Variants in RYR3 observed in about 807,000 individuals in gnomAD.
The protein encoded by RYR3 is brain ryanodine receptor-calcium release channel.
A neutral mutation model predicts 584.3 loss-of-function variants in RYR3; 207 were observed. The ratio of observed to expected loss-of-function variants is 0.35; its 90% CI spans 0.32 to 0.40. The LOEUF is 0.40. Ranked by LOEUF, RYR3 falls within the 10% of genes least tolerant of loss-of-function variation. RYR3 has a pLI of 1.00. For synonymous variants in RYR3, 2,416 were observed against 2,248.5 expected, an observed-to-expected ratio of 1.07 and a Z score of -2.11; for missense variants, 5,616 against 6,089.2, an observed-to-expected ratio of 0.92 and a Z score of 2.59.
chr15:33,725,512 G>A (rs530147915), intron 45 of RYR3, among the ~76,000 whole-genome samples: 1 of 152,268 alleles, frequency 6.6e-6, no homozygotes, highest in African/African-American at 2.4e-5. Flanking sequence ...TGGCCCATCA[G>A]TGTCGGGGTG....
At chr15:33,486,102 C>T (rs920989918) in intron 2 of RYR3, among the ~76,000 whole-genome samples, 2 of 151,962 alleles carry the variant, frequency 1.3e-5, no homozygotes, top group Admixed American at 6.6e-5. Context: ...CGTGGAAGAT[C>T]GTTGATAAAG....
chr15:33,774,500 T>C (rs1352477352), intron 64 of RYR3, among the ~76,000 whole-genome samples: 3 of 152,222 alleles, frequency 2.0e-5, no homozygotes, highest in Non-Finnish European at 4.4e-5. Flanking sequence ...CTTATATTTA[T>C]TCAAATTGCA....
chr15:33,589,080 G>T (rs1318805018), intron 16 of RYR3, among the ~76,000 whole-genome samples: 1 of 152,154 alleles, frequency 6.6e-6, no homozygotes, highest in Non-Finnish European at 1.5e-5. Flanking sequence ...CTACCAACGT[G>T]TATAAGCATT....
chr15:33,524,715 A>G (rs1007917826), intron 3 of RYR3, among the ~76,000 whole-genome samples: 17 of 152,198 alleles, frequency 1.1e-4, no homozygotes, highest in Non-Finnish European at 1.9e-4. Flanking sequence ...ATGTAAAATG[A>G]TATATCAAAG....
At chr15:33,687,841 G>A (rs1291785029) in intron 38 of RYR3, among the ~76,000 whole-genome samples, 1 of 152,180 alleles carries the variant, frequency 6.6e-6, no homozygotes, top group Non-Finnish European at 1.5e-5. Context: ...AAATGGTGCT[G>A]GGAAAACTGG....
chr15:33,586,244 G>A, intron 16 of RYR3, 128 bp downstream of exon 16: 1 of 661,896 alleles, frequency 1.5e-6, no homozygotes. Flanking sequence ...TGGGAAACTG[G>A]AAAAAAGACT....
chr15:33,836,475 C>G (rs1341347349), intron 87 of RYR3, among the ~76,000 whole-genome samples: 2 of 147,958 alleles, frequency 1.4e-5, no homozygotes, highest in East Asian at 3.9e-4. Context: ...CTAAATTAAT[C>G]CAGAAAGAAA....
intron 5 of RYR3, among the ~76,000 whole-genome samples, chr15:33,535,380 A>C (rs572345062): frequency 6.6e-6 from 1 of 152,226 alleles, no homozygotes. Flanking sequence ...CAAGCAAAAA[A>C]GTGGCCCCGC....
chr15:33,641,819 C>T (rs1159429391), intron 27 of RYR3, among the ~76,000 whole-genome samples: 1 of 152,154 alleles, frequency 6.6e-6, no homozygotes, highest in Non-Finnish European at 1.5e-5. Context: ...TGCAACTCTC[C>T]CTGTAGAGAG....
chr15:33,345,063 C>T (rs192662556), intron 1 of RYR3, among the ~76,000 whole-genome samples: 18 of 152,246 alleles, frequency 1.2e-4, no homozygotes, highest in Non-Finnish European at 8.8e-5. Flanking sequence ...CAGGTTGTCT[C>T]GTTTCTAGTC....
At chr15:33,671,652 C>T (rs981368961) in intron 38 of RYR3, among the ~76,000 whole-genome samples, 16 of 152,020 alleles carry the variant, frequency 1.1e-4, no homozygotes, top group African/African-American at 3.9e-4. Context: ...GATGTGCCAG[C>T]AGCACTCTAA....
intron 1 of RYR3, among the ~76,000 whole-genome samples, chr15:33,401,951 C>T (rs1305689135): frequency 2.0e-5 from 3 of 151,978 alleles, no homozygotes; most frequent in Admixed American, 2.0e-4. Flanking sequence ...TCAACAATGG[C>T]TTTTTGTAAA....
chr15:33,490,382 T>C (rs2050862847), intron 2 of RYR3, among the ~76,000 whole-genome samples: 1 of 152,206 alleles, frequency 6.6e-6, no homozygotes, highest in Non-Finnish European at 1.5e-5. Context: ...ATGAAGGATC[T>C]TTGCTCTAAG....
intron 20 of RYR3, among the ~76,000 whole-genome samples, chr15:33,624,859 C>T (rs2060903756): frequency 6.6e-6 from 1 of 152,136 alleles, no homozygotes; most frequent in East Asian, 1.9e-4. Flanking sequence ...TTAATCATTT[C>T]CCCAATATAG....
At chr15:33,318,555 T>G (rs1968519204) in intron 1 of RYR3, among the ~76,000 whole-genome samples, 1 of 152,114 alleles carries the variant, frequency 6.6e-6, no homozygotes, top group African/African-American at 2.4e-5. Flanking sequence ...CAAGCCTGAG[T>G]AGGGCACCGC....
In RYR3 at chr15:33,838,138, G is replaced by A. The variant is rs1311433743; in HGVS notation, c.12158G>A (p.Arg4053His). 2.5e-5 allele frequency: 40 copies of A among 1,613,834 alleles called. No homozygotes were observed. Among genetic ancestry groups the A allele is most frequent in the Non-Finnish European group, 3.2e-5 (38 of 1,179,902 alleles). The change falls in exon 89 of 104, where the codon CGC becomes CAC. Residue 4053 changes from arginine to histidine, a missense_variant. Coordinates refer to ENST00000634891, the MANE Select transcript of RYR3 (RefSeq NM_001036.6). Reference sequence around the variant, plus strand: ...TATTTTGAGATCAGTGAATCCAGTCGCACTCAGTGGGAGAAGCCCCAGGTG... The same window carrying A: ...TATTTTGAGATCAGTGAATCCAGTCACACTCAGTGGGAGAAGCCCCAGGTG... ...RVYFEISESSRTQWEKPQVKE... is the reference protein window; with the variant it reads ...RVYFEISESSHTQWEKPQVKE...
Position 33,838,510 on chromosome 15 carries a change from C to A in RYR3, c.12530C>A (p.Ala4177Glu), listed in dbSNP as rs377431580. 29 of 1,613,800 alleles carry A rather than the reference C, an allele frequency of 1.8e-5. No homozygotes were observed. The highest frequency in any genetic ancestry group is 2.4e-5 in the Non-Finnish European group (28 of 1,179,868). Residue 4177 changes from alanine (A) to glutamate (E), a missense_variant, in exon 89 of 104, where the codon GCG becomes GAG. By Grantham distance (107) the Ala-to-Glu change is moderately radical. Around this residue, in one of 9 missense-constraint regions of RYR3, gnomAD observed 918 missense variants for 887.4 expected, o/e 1.03. Transcript: ENST00000634891. ...KQYRNVKKMT[A>E]KELVKVLFSF... ...TACAGGAACGTGAAAAAGATGACTG[C>A]GAAGGAGCTGGTGAAGGTGCTCTTC...
intron 38 of RYR3, among the ~76,000 whole-genome samples, chr15:33,694,015 G>A (rs555830451): frequency 2.0e-5 from 3 of 152,220 alleles, no homozygotes; most frequent in African/African-American, 4.8e-5. Context: ...AGCACCAGGA[G>A]GACGTTACTT....
rs1366697634 is a variant in RYR3 at position 33,351,480 on chromosome 15, C to T, written c.51+40384C>T. On this transcript the variant is annotated intron_variant, in intron 1 of 103. Transcript: ENST00000634891. Reference sequence around the variant, plus strand: ...AAAAAAGAGAATTTTAGACCAATATCCTTGATGAACATTGATGCAAAAATC... The same window carrying T: ...AAAAAAGAGAATTTTAGACCAATATTCTTGATGAACATTGATGCAAAAATC... Among the ~76,000 whole-genome samples, 4 of 150,874 alleles carry T rather than the reference C, an allele frequency of 2.7e-5. No homozygotes were observed. The East Asian group carries it at 5.8e-4, about 22-fold the overall frequency.
Sources: allele counts gnomAD v4.1 joint callset (sites outside exome capture counted in the v4.1 genomes callset), GRCh38; gene constraint gnomAD v4.1.1; regional missense constraint gnomAD v4.1.1; transcripts MANE v1.5; gene names NCBI Gene and HGNC (gene_info 2026-07-23, HGNC 2026-07-21).